Variants in UNC5C observed in about 807,000 individuals in gnomAD.
UNC5C encodes the protein unc-5 netrin receptor C.
UNC5C carries 47 observed loss-of-function variants against 99.8 expected under a neutral mutation model. The ratio of observed to expected loss-of-function variants is 0.47; its 90% CI spans 0.37 to 0.60. UNC5C has a LOEUF of 0.60. UNC5C is among the 20% of genes least tolerant of loss of function. The probability of loss-of-function intolerance (pLI) is 0.00; values close to 1 mark genes in which losing one functional copy is unlikely to be tolerated. For missense variants in UNC5C, 1,062 were observed against 1,165.9 expected, an observed-to-expected ratio of 0.91 and a Z score of 1.30; for synonymous variants, 487 against 452.2, an observed-to-expected ratio of 1.08 and a Z score of -0.98.
At chr4:95,500,988 A>G (rs1468256863) in intron 1 of UNC5C, among the ~76,000 whole-genome samples, 5 of 152,128 alleles carry the variant, frequency 3.3e-5, no homozygotes, top group Non-Finnish European at 7.4e-5. Context: ...CATTAGTCGA[A>G]AAACTCTTAG....
At chr4:95,350,588 G>A (rs1405362648) in intron 1 of UNC5C, among the ~76,000 whole-genome samples, 1 of 151,914 alleles carries the variant, frequency 6.6e-6, no homozygotes, top group Non-Finnish European at 1.5e-5. Flanking sequence ...AACAAAAAAA[G>A]ATTACCCATA....
intron 1 of UNC5C, among the ~76,000 whole-genome samples, chr4:95,447,214 A>G (rs765162969): frequency 2.0e-5 from 3 of 152,210 alleles, no homozygotes; most frequent in Non-Finnish European, 4.4e-5. Flanking sequence ...TCTATATTCA[A>G]TTACTATTCT....
chr4:95,250,505 C>T lies in UNC5C; in HGVS notation c.757G>A (p.Ala253Thr). The T allele has an allele frequency of 6.2e-7, 1 of 1,613,886 alleles. No individual in the cohort carries two copies. Among genetic ancestry groups the T allele is most frequent in the Non-Finnish European group, 8.5e-7 (1 of 1,179,932 alleles). ...CACTCACCATAGACTATGACAGTGGCAGTTGTACTTTTCCTCTTGGCAACA... is the reference window on the plus strand; with the variant it reads ...CACTCACCATAGACTATGACAGTGGTAGTTGTACTTTTCCTCTTGGCAACA... Reference protein sequence around the residue: ...NIVAKRKSTTATVIVYVNGGW... With the variant: ...NIVAKRKSTTTTVIVYVNGGW... The change falls in exon 5 of 16, where the codon GCC becomes ACC. Residue 253 changes from alanine to threonine, a missense_variant. Physicochemically the swap from Ala to Thr is moderately conservative, Grantham distance 58 (BLOSUM62 0). Transcript: ENST00000453304.
At chr4:95,283,917 G>C (rs1741146115) in intron 3 of UNC5C, among the ~76,000 whole-genome samples, 1 of 152,184 alleles carries the variant, frequency 6.6e-6, no homozygotes, top group Non-Finnish European at 1.5e-5. Flanking sequence ...TCATATGTAT[G>C]CTTTCAGAGA....
At chr4:95,435,398 T>A (rs766960148) in intron 1 of UNC5C, among the ~76,000 whole-genome samples, 1 of 152,166 alleles carries the variant, frequency 6.6e-6, no homozygotes, top group Middle Eastern at 3.4e-3. Context: ...AAAGTTAGAG[T>A]GCCTGTCTCT....
chr4:95,391,692 A>C (rs139608767), intron 1 of UNC5C, among the ~76,000 whole-genome samples: 182 of 152,006 alleles, frequency 1.2e-3, no homozygotes, highest in Middle Eastern at 6.8e-3. Flanking sequence ...AATGATGACC[A>C]ATCCCTTAAC....
At chr4:95,252,735 A>G (rs1445797846) in intron 4 of UNC5C, among the ~76,000 whole-genome samples, 3 of 152,176 alleles carry the variant, frequency 2.0e-5, no homozygotes, top group Non-Finnish European at 4.4e-5. Flanking sequence ...AATCCCACAC[A>G]TGACCTCATG....
chr4:95,403,094 G>T (rs927341473), intron 1 of UNC5C, among the ~76,000 whole-genome samples: 1 of 151,960 alleles, frequency 6.6e-6, no homozygotes, highest in African/African-American at 2.4e-5. Flanking sequence ...TAGACACGTG[G>T]GCCAGTAATT....
intron 1 of UNC5C, among the ~76,000 whole-genome samples, chr4:95,532,394 C>G (rs1303949818): frequency 6.6e-6 from 1 of 151,574 alleles, no homozygotes; most frequent in African/African-American, 2.4e-5. Context: ...TCCTCAAAGT[C>G]CTTCCAAGAT....
At chr4:95,212,032 G>A (rs1738091694) in intron 10 of UNC5C, among the ~76,000 whole-genome samples, 1 of 152,116 alleles carries the variant, frequency 6.6e-6, no homozygotes, top group South Asian at 2.1e-4. Context: ...ACAGAATAAT[G>A]TCAACTACTA....
intron 1 of UNC5C, among the ~76,000 whole-genome samples, chr4:95,518,151 C>T (rs192979462): frequency 6.6e-5 from 10 of 152,266 alleles, no homozygotes; most frequent in African/African-American, 1.7e-4. Context: ...CTTGCTCCAT[C>T]AGAATTCCAG....
intron 1 of UNC5C, among the ~76,000 whole-genome samples, chr4:95,411,065 G>A (rs1745972621): frequency 6.6e-6 from 1 of 152,180 alleles, no homozygotes; most frequent in African/African-American, 2.4e-5. Context: ...AGGGGAAGCT[G>A]ATGATCCAAA....
At chr4:95,181,997 G>A (rs533001757) in intron 14 of UNC5C, among the ~76,000 whole-genome samples, 175 of 152,274 alleles carry the variant, frequency 1.1e-3, no homozygotes, top group Middle Eastern at 0.01. Flanking sequence ...GGCTTAGCAC[G>A]CAGCACAGGG....
At chr4:95,209,847 A>G (rs960103312) in intron 10 of UNC5C, among the ~76,000 whole-genome samples, 1 of 152,196 alleles carries the variant, frequency 6.6e-6, no homozygotes, top group African/African-American at 2.4e-5. Flanking sequence ...TGGAGGGGGA[A>G]AAAACCAATG....
intron 1 of UNC5C, among the ~76,000 whole-genome samples, chr4:95,516,561 T>G (rs1722226163): frequency 6.6e-6 from 1 of 151,794 alleles, no homozygotes; most frequent in South Asian, 2.1e-4. Context: ...GGGGGCGGAG[T>G]GTGTGTAAAT....
chr4:95,263,408 G>A (rs1035609199), intron 4 of UNC5C, among the ~76,000 whole-genome samples: 1 of 152,092 alleles, frequency 6.6e-6, no homozygotes, highest in African/African-American at 2.4e-5. Flanking sequence ...GGCATGAGAG[G>A]ATAGTGGTTC....
chr4:95,512,800 T>TG (rs1560489781), intron 1 of UNC5C, among the ~76,000 whole-genome samples: 3 of 152,142 alleles, frequency 2.0e-5, no homozygotes, highest in Non-Finnish European at 4.4e-5. Flanking sequence ...CAAAAGTAAT[T>TG]TTTTTATTTT....
At chr4:95,301,790 C>T (rs1741892562) in intron 2 of UNC5C, 41 bp from the exon 3 acceptor site, 1 of 1,595,972 alleles carries the variant, frequency 6.3e-7, no homozygotes, top group African/African-American at 1.3e-5. Flanking sequence ...ACACAAGATT[C>T]ATACTAAAGA....
At position 95,518,868 on chromosome 4, in the gene UNC5C, C is replaced by G. The variant is rs72876481; in HGVS notation, c.124+29866G>C. ...TTAAAGGAGGATCTAGTGAGAAATA[C>G]GTTGACTTGGATACCTTGGTACTAC... On this transcript the variant is annotated intron_variant, in intron 1 of 15. Coordinates refer to ENST00000453304, the MANE Select transcript of UNC5C (RefSeq NM_003728.4). Among the ~76,000 whole-genome samples the G allele has an allele frequency of 8.6e-3, 1,313 of 152,144 alleles. 21 individuals carry two copies. The highest frequency in any genetic ancestry group is 0.03 in the African/African-American group (1,256 of 41,498).
Sources: allele counts gnomAD v4.1 joint callset (sites outside exome capture counted in the v4.1 genomes callset), GRCh38; gene constraint gnomAD v4.1.1; transcripts MANE v1.5; gene names NCBI Gene and HGNC (gene_info 2026-07-23, HGNC 2026-07-21).